Variants in CSMD3 observed in about 807,000 individuals in gnomAD.
CSMD3 encodes CUB and sushi domain-containing protein 3.
Under a neutral mutation model 435.2 loss-of-function variants are expected in CSMD3, and 177 were observed. That is an observed-to-expected ratio of 0.41 (90% CI 0.36 to 0.46). The LOEUF (loss-of-function observed/expected upper bound fraction) is 0.46. CSMD3 is among the 20% of genes least tolerant of loss of function. The pLI is 0.34. For missense variants in CSMD3, 4,265 were observed against 4,504.6 expected (o/e 0.95, Z 1.52); for synonymous variants, 1,656 against 1,520.5 (o/e 1.09, Z -2.07).
At chr8:112,396,348 T>C (rs1218012931) in intron 35 of CSMD3, among the ~76,000 whole-genome samples, 1 of 152,168 alleles carries the variant, frequency 6.6e-6, no homozygotes, top group East Asian at 1.9e-4. Flanking sequence ...AAATAGGCTG[T>C]CAAAGATTAT....
At chr8:112,917,796 A>G (rs545892349) in intron 10 of CSMD3, among the ~76,000 whole-genome samples, 1 of 152,086 alleles carries the variant, frequency 6.6e-6, no homozygotes, top group South Asian at 2.1e-4. Context: ...GATACATAAG[A>G]TAACCTCTCC....
At chr8:112,520,416 C>A (rs924445952) in intron 27 of CSMD3, among the ~76,000 whole-genome samples, 1 of 151,978 alleles carries the variant, frequency 6.6e-6, no homozygotes, top group Non-Finnish European at 1.5e-5. Flanking sequence ...ACCAGCAGGG[C>A]TCTTAACCAT....
intron 53 of CSMD3, among the ~76,000 whole-genome samples, chr8:112,297,784 T>C (rs1369928608): frequency 1.3e-5 from 2 of 152,054 alleles, no homozygotes; most frequent in African/African-American, 4.8e-5. Flanking sequence ...TGAATAATTG[T>C]ATTTTATATA....
chr8:112,776,926 C>T (rs973958304), intron 13 of CSMD3, among the ~76,000 whole-genome samples: 1 of 151,630 alleles, frequency 6.6e-6, no homozygotes, highest in African/African-American at 2.4e-5. Flanking sequence ...TTTTTATTGA[C>T]CTCCCAACCT....
intron 4 of CSMD3, among the ~76,000 whole-genome samples, chr8:113,150,079 C>A (rs564424407): frequency 2.3e-4 from 35 of 151,822 alleles, no homozygotes; most frequent in African/African-American, 8.4e-4. Context: ...CTGTAATAGG[C>A]AGCATATCTA....
intron 51 of CSMD3, 69 bp downstream of exon 51, chr8:112,305,938 T>C (rs2130785303): frequency 7.7e-7 from 1 of 1,290,418 alleles, no homozygotes; most frequent in Non-Finnish European, 1.1e-6. Flanking sequence ...AATTCTAAAA[T>C]ACATAAAATT....
At chr8:113,061,299 A>AT (rs2088602399) in intron 5 of CSMD3, among the ~76,000 whole-genome samples, 1 of 152,168 alleles carries the variant, frequency 6.6e-6, no homozygotes, top group Non-Finnish European at 1.5e-5. Context: ...GGAAAAGAAC[A>AT]TCAGCTTTAG....
intron 2 of CSMD3, among the ~76,000 whole-genome samples, chr8:113,305,498 T>A (rs191757173): frequency 6.6e-6 from 1 of 152,324 alleles, no homozygotes; most frequent in African/African-American, 2.4e-5. Flanking sequence ...AAAGATTGAA[T>A]AAATATAATC....
chr8:113,188,068 G>C (rs1444617266), intron 3 of CSMD3, among the ~76,000 whole-genome samples: 1 of 151,822 alleles, frequency 6.6e-6, no homozygotes, highest in African/African-American at 2.4e-5. Flanking sequence ...TCTCCATAAA[G>C]CCTTTCCAAA....
At position 112,478,126 on chromosome 8, in the gene CSMD3, GC is replaced by G. The variant is rs1158612387; in HGVS notation, c.5279-5420del. The stretch of plus-strand genomic sequence containing the variant: ...CCTTACCTTCCACCATGATCGTGAG[GC>G]CTACCCAGCCATGTGGAACTATAAG... On this transcript the variant is annotated intron_variant, in intron 31 of 70. Transcript: ENST00000297405. 5.9e-5 allele frequency among the ~76,000 whole-genome samples: 9 copies of G among 152,224 alleles called. No homozygotes were observed. In the East Asian group the frequency reaches 1.7e-3, roughly 29 times the overall value.
rs143146981 is a variant in CSMD3, at chr8:113,335,063, T to C, written c.179-20270A>G. On this transcript the variant is annotated intron_variant, in intron 1 of 70. Coordinates refer to ENST00000297405, the MANE Select transcript of CSMD3 (RefSeq NM_198123.2). ...TTTAACACCATCCCCCTTGATACTG[T>C]CCTAGCGATAGTGAGTGAATTCTCA... Among the ~76,000 whole-genome samples the C allele has an allele frequency of 3.3e-5, 5 of 152,188 alleles. No homozygotes were observed. In the East Asian group the frequency reaches 9.7e-4, roughly 29 times the overall value.
intron 27 of CSMD3, among the ~76,000 whole-genome samples, chr8:112,520,151 G>A (rs2131007597): frequency 6.6e-6 from 1 of 152,054 alleles, no homozygotes; most frequent in Non-Finnish European, 1.5e-5. Flanking sequence ...GACCAGCTAA[G>A]AAAGAGAAAC....
chr8:112,727,441 T>C (rs556802911), intron 13 of CSMD3, among the ~76,000 whole-genome samples: 258 of 151,996 alleles, frequency 1.7e-3, no homozygotes, highest in Non-Finnish European at 2.8e-3. Flanking sequence ...AGATATTTTC[T>C]GTTGAATTAA....
intron 5 of CSMD3, among the ~76,000 whole-genome samples, chr8:113,073,571 T>G (rs1186955658): frequency 6.6e-6 from 1 of 151,874 alleles, no homozygotes; most frequent in Admixed American, 6.6e-5. Flanking sequence ...CTCATCCAGC[T>G]TGCTGTGCCA....
chr8:113,299,182 C>A (rs7837326), intron 2 of CSMD3, among the ~76,000 whole-genome samples: 1 of 152,090 alleles, frequency 6.6e-6, no homozygotes, highest in African/African-American at 2.4e-5. Flanking sequence ...TTGGTTTCAA[C>A]TGACTATCTC....
intron 27 of CSMD3, among the ~76,000 whole-genome samples, chr8:112,535,177 T>A (rs1442166056): frequency 6.6e-6 from 1 of 150,600 alleles, no homozygotes; most frequent in East Asian, 2.0e-4. Flanking sequence ...CCAGGGCAAT[T>A]AGGCAGGAGA....
intron 1 of CSMD3, among the ~76,000 whole-genome samples, chr8:113,384,955 G>A (rs2094433052): frequency 6.6e-6 from 1 of 152,066 alleles, no homozygotes; most frequent in South Asian, 2.1e-4. Flanking sequence ...GGATACATTT[G>A]AAGTTTAGTG....
At chr8:113,248,160 T>A (rs1278909001) in intron 3 of CSMD3, among the ~76,000 whole-genome samples, 1 of 151,872 alleles carries the variant, frequency 6.6e-6, no homozygotes, top group Non-Finnish European at 1.5e-5. Context: ...ATTTTATGAG[T>A]GGTGATAATT....
Position 112,947,859 on chromosome 8 carries a change from T to C in CSMD3, c.1439A>G (p.Lys480Arg), listed in dbSNP as rs1421034546. The C allele has an allele frequency of 2.0e-6, 3 of 1,499,774 alleles. No individual in the cohort carries two copies. The highest frequency in any genetic ancestry group is 1.9e-6 in the Non-Finnish European group (2 of 1,078,078). 92.9% of individuals were successfully genotyped at this position (1,499,774 alleles called of 1,614,324 possible). Reference sequence around the variant, plus strand: ...ATCTGGGCATAAATTGGAAGCTGTTTTAATACCTCCCTCATTTACTGCAAC... The same window carrying C: ...ATCTGGGCATAAATTGGAAGCTGTTCTAATACCTCCCTCATTTACTGCAAC... ...KFSILNEGGIKTASNLCPDPG... is the reference protein window; with the variant it reads ...KFSILNEGGIRTASNLCPDPG... Residue 480 changes from lysine to arginine, a missense_variant, in exon 9 of 71, where the codon AAA (lysine) becomes AGA (arginine). This residue lies in a region of CSMD3 where 731 missense variants were observed against 755.4 expected (regional missense o/e 0.97). Coordinates refer to ENST00000297405, the MANE Select transcript of CSMD3 (RefSeq NM_198123.2).
Sources: gnomAD v4.1 joint callset for allele counts (sites outside exome capture counted in the v4.1 genomes callset) on GRCh38, gnomAD v4.1.1 for gene constraint, gnomAD v4.1.1 regional missense constraint, MANE v1.5 for transcripts, NCBI Gene and HGNC (gene_info 2026-07-23, HGNC 2026-07-21) for gene names.